Variants in ACAD10 observed in about 807,000 individuals in gnomAD.
ACAD10 encodes acyl-CoA dehydrogenase family member 10, also known as ACAD-10.
In ACAD10, 112 loss-of-function variants were observed where a neutral mutation model predicts 116.8. That is an observed-to-expected ratio of 0.96 (90% CI 0.82 to 1.12). The LOEUF (loss-of-function observed/expected upper bound fraction) is 1.12, where lower values mean the gene tolerates loss of function less well. Ranked by LOEUF, ACAD10 falls within the 50% of genes most tolerant of loss-of-function variation. The probability of loss-of-function intolerance (pLI) is 0.00; values close to 1 mark genes in which losing one functional copy is unlikely to be tolerated. For missense variants in ACAD10, 1,259 were observed against 1,350.2 expected (o/e 0.93, Z 1.06); for synonymous variants, 486 against 510.6 (o/e 0.95, Z 0.65).
chr12:111,716,743 C>T (rs1292637319), intron 7 of ACAD10, among the ~76,000 whole-genome samples: 2 of 152,096 alleles, frequency 1.3e-5, no homozygotes, highest in Admixed American at 6.6e-5. Context: ...GTAGTTCCAT[C>T]TACTCAGGAG....
intron 4 of ACAD10, among the ~76,000 whole-genome samples, chr12:111,706,992 A>G (rs1240724203): frequency 5.8e-5 from 8 of 138,688 alleles, no homozygotes; most frequent in South Asian, 2.4e-4. Flanking sequence ...TGGCCAGGCT[A>G]GTCTCGAACT....
chr12:111,733,989 T>C lies in ACAD10; in HGVS notation c.1461T>C (p.Ser487=). The C allele has an allele frequency of 6.2e-7, 1 of 1,614,224 alleles. No homozygotes were observed. The highest frequency in any genetic ancestry group is 8.5e-7 in the Non-Finnish European group (1 of 1,180,030). ...EVLAVLDWEL[S]TLGDPLADVA... ...TTGCTGTCCTTGACTGGGAACTTTC[T>C]ACCTTGGGCGACCCCCTTGCTGATG... is the stretch of plus-strand genomic sequence containing the variant. Residue 487 remains serine, a synonymous_variant, in exon 11 of 21, where the codon TCT becomes TCC. Coordinates refer to ENST00000313698, the MANE Select transcript of ACAD10 (RefSeq NM_025247.6).
rs760980849 is a variant in ACAD10, at chr12:111,733,912, C to T, written c.1395-11C>T. The T allele has an allele frequency of 9.9e-6, 16 of 1,613,970 alleles. No individual in the cohort carries two copies. The highest frequency in any genetic ancestry group is 1.7e-5 in the Admixed American group (1 of 60,006). The stretch of plus-strand genomic sequence containing the variant: ...CTTAGTGCTGTCTCTATTCCTCCTG[C>T]GACTTTTCAGGCTCGACAACCTGGT... On this transcript the variant is annotated splice_polypyrimidine_tract_variant and intron_variant, in intron 10 of 20. Coordinates refer to ENST00000313698, the MANE Select transcript of ACAD10 (RefSeq NM_025247.6).
At chr12:111,753,521 T>C (rs1566171074) in intron 18 of ACAD10, 1 of 690,674 alleles carries the variant, frequency 1.4e-6, no homozygotes, top group Non-Finnish European at 2.6e-6. Context: ...TGGAAGCAAT[T>C]TGTTACAGGC....
At chr12:111,689,409 G>A (rs980785743) in intron 1 of ACAD10, among the ~76,000 whole-genome samples, 2 of 151,688 alleles carry the variant, frequency 1.3e-5, no homozygotes, top group African/African-American at 2.4e-5. Context: ...CTATAACCCC[G>A]GCTGGAATGT....
At position 111,729,930 on chromosome 12, in the gene ACAD10, G is replaced by A. The variant is rs1029989645; in HGVS notation, c.1368G>A (p.Arg456=). ...CCCTCCATCTTCCCCGTCAGCAGAG[G>A]ACCACAGTGGTGCACGGGGACTTCA... ...WLPLHLPRQQ[R]TTVVHGDFRL... The change falls in exon 10 of 21, where the codon AGG becomes AGA. Residue 456 remains arginine, a synonymous_variant. Coordinates refer to ENST00000313698, the MANE Select transcript of ACAD10 (RefSeq NM_025247.6). 14 of 1,613,976 alleles carry A rather than the reference G, an allele frequency of 8.7e-6. No homozygotes were observed. Among genetic ancestry groups the A allele is most frequent in the Non-Finnish European group, 1.1e-5 (13 of 1,180,026 alleles).
At chr12:111,756,244 A>G in intron 20 of ACAD10, 89 bp from the exon 21 acceptor site, 6 of 1,479,432 alleles carry the variant, frequency 4.1e-6, no homozygotes, top group Non-Finnish European at 5.3e-6. Context: ...GATGGTTGTT[A>G]TGGGCCATCA....
chr12:111,709,843 T>A, intron 5 of ACAD10, 159 bp downstream of exon 5: 1 of 813,104 alleles, frequency 1.2e-6, no homozygotes, highest in Non-Finnish European at 1.9e-6. Context: ...TCTATGTGAC[T>A]AGCTGCTTGT....
At chr12:111,686,272 G>A (rs1157014644) in intron 1 of ACAD10, 33 bp downstream of exon 1, 1 of 152,600 alleles carries the variant, frequency 6.6e-6, no homozygotes, top group Non-Finnish European at 1.5e-5. Flanking sequence ...CTGCTATGCA[G>A]AACTTTGCCC....
chr12:111,719,235 A>G (rs1235804653), intron 7 of ACAD10, among the ~76,000 whole-genome samples: 1 of 152,200 alleles, frequency 6.6e-6, no homozygotes. Flanking sequence ...GAAGTCTGAC[A>G]AATACCCTGC....
Position 111,702,305 on chromosome 12 carries a change from G to C in ACAD10, c.331G>C (p.Glu111Gln). The C allele has an allele frequency of 6.2e-7, 1 of 1,614,100 alleles. No individual in the cohort carries two copies. Among genetic ancestry groups the C allele is most frequent in the Non-Finnish European group, 8.5e-7 (1 of 1,180,000 alleles). Residue 111 changes from glutamate (E) to glutamine (Q), a missense_variant, in exon 3 of 21, where the codon GAA (glutamate) becomes CAA (glutamine). Physicochemically the swap from Glu to Gln is conservative, Grantham distance 29. Coordinates refer to ENST00000313698, the MANE Select transcript of ACAD10 (RefSeq NM_025247.6). ...FLREFGRLCS[E>Q]MLKTSVPVDS... Reference sequence around the variant, plus strand: ...ACGAGAATTTGGGAGACTTTGCTCTGAAATGGTGAGTGGTAAACATACCTA... The same window carrying C: ...ACGAGAATTTGGGAGACTTTGCTCTCAAATGGTGAGTGGTAAACATACCTA...
chr12:111,704,234 C>T (rs548582724), intron 3 of ACAD10, among the ~76,000 whole-genome samples: 9 of 151,544 alleles, frequency 5.9e-5, no homozygotes, highest in South Asian at 4.2e-4. Flanking sequence ...CTCTGCCTCC[C>T]GGGTTCAAGC....
chr12:111,693,614 G>A (rs995446293), intron 2 of ACAD10, among the ~76,000 whole-genome samples: 2 of 152,142 alleles, frequency 1.3e-5, no homozygotes, highest in Non-Finnish European at 2.9e-5. Context: ...AATCTAGAAT[G>A]CTGAAATTCC....
Position 111,756,496 on chromosome 12 carries a change from A to G in ACAD10, c.*23A>G, listed in dbSNP as rs1191958573. 20 of 1,609,668 alleles carry G rather than the reference A, an allele frequency of 1.2e-5. No homozygotes were observed. Among genetic ancestry groups the G allele is most frequent in the Non-Finnish European group, 1.4e-5 (17 of 1,179,220 alleles). ...TAGAGCCTTGGGGCTGCAGTGGCTC[A>G]ATGTCCTGGCTGGTCCAGCTGTGCC... On this transcript the variant is annotated 3_prime_UTR_variant, in exon 21 of 21. Transcript: ENST00000313698.
At position 111,712,673 on chromosome 12, in the gene ACAD10, T is replaced by C. The variant is rs1888720661; in HGVS notation, c.850+16T>C. On this transcript the variant is annotated intron_variant, in intron 6 of 20. Coordinates refer to ENST00000313698, the MANE Select transcript of ACAD10 (RefSeq NM_025247.6). ...CAGACCACAGGTATGTGGGCTTCTT[T>C]CATGTTTTGGTAGCTCTCTCCAAGG... The C allele has an allele frequency of 6.2e-7, 1 of 1,612,004 alleles. No individual in the cohort carries two copies. Among genetic ancestry groups the C allele is most frequent in the Admixed American group, 1.7e-5 (1 of 59,516 alleles).
chr12:111,692,479 G>A (rs964405655), intron 1 of ACAD10, among the ~76,000 whole-genome samples: 1 of 152,198 alleles, frequency 6.6e-6, no homozygotes, highest in Non-Finnish European at 1.5e-5. Context: ...AGTCAGAGGC[G>A]AGTCCCAGCT....
intron 4 of ACAD10, among the ~76,000 whole-genome samples, chr12:111,708,516 T>G (rs973714961): frequency 1.3e-5 from 2 of 151,922 alleles, no homozygotes; most frequent in African/African-American, 4.8e-5. Context: ...CAAGAGAAAG[T>G]AGAAAGGTCC....
chr12:111,687,558 C>T (rs1168181276), intron 1 of ACAD10, among the ~76,000 whole-genome samples: 1 of 152,134 alleles, frequency 6.6e-6, no homozygotes, highest in Admixed American at 6.5e-5. Flanking sequence ...GTGCATAAAC[C>T]ATACACACAT....
chr12:111,691,594 A>T (rs969624431), intron 1 of ACAD10, among the ~76,000 whole-genome samples: 3 of 132,208 alleles, frequency 2.3e-5, no homozygotes, highest in Admixed American at 7.7e-5. Flanking sequence ...AAGGAATGAG[A>T]TTTTTTTTTT....
Sources: allele counts gnomAD v4.1 joint callset (sites outside exome capture counted in the v4.1 genomes callset), GRCh38; gene constraint gnomAD v4.1.1; transcripts MANE v1.5; gene names NCBI Gene and HGNC (gene_info 2026-07-23, HGNC 2026-07-21).